Variants in ANK3 observed in about 807,000 individuals in gnomAD.
The protein encoded by ANK3 is ankyrin 3, also known as ankyrin-3.
ANK3 carries 57 observed loss-of-function variants against 370.9 expected under a neutral mutation model. The ratio of observed to expected loss-of-function variants is 0.15; its 90% CI spans 0.12 to 0.19. The LOEUF (loss-of-function observed/expected upper bound fraction) is 0.19. Among genes scored for constraint, ANK3 ranks in the 10% least tolerant of loss-of-function variants. The pLI is 1.00. For missense variants in ANK3, 4,439 were observed against 5,302.1 expected, an observed-to-expected ratio of 0.84 and a Z score of 5.06; for synonymous variants, 1,929 against 1,946.3, an observed-to-expected ratio of 0.99 and a Z score of 0.23.
At chr10:60,371,019 A>G (rs2060038256) in intron 1 of ANK3, among the ~76,000 whole-genome samples, 1 of 152,130 alleles carries the variant, frequency 6.6e-6, no homozygotes, top group African/African-American at 2.4e-5. Flanking sequence ...CACACATGAC[A>G]TCACTGACAG....
At chr10:60,369,093 G>A (rs567505508) in intron 1 of ANK3, among the ~76,000 whole-genome samples, 5 of 149,330 alleles carry the variant, frequency 3.3e-5, no homozygotes, top group African/African-American at 4.9e-5. Context: ...ATTATACTTC[G>A]GTTTAAAAAA....
At position 60,321,022 on chromosome 10, in the gene ANK3, C is replaced by T. The variant is rs539223496; in HGVS notation, c.115-41383G>A. Among the ~76,000 whole-genome samples the T allele has an allele frequency of 3.9e-5, 6 of 152,182 alleles. No homozygotes were observed. In the South Asian group the frequency reaches 1.2e-3, roughly 32 times the overall value. On this transcript the variant is annotated intron_variant, in intron 1 of 43. Transcript: ENST00000280772. ...AGTAAAATCAGGACAAAAAGGTATT[C>T]CTTCCAATTACAATGATGCTATTTT...
At chr10:60,602,117 C>G (rs1477571851) in intron 2 of ANK3, among the ~76,000 whole-genome samples, 2 of 151,998 alleles carry the variant, frequency 1.3e-5, no homozygotes, top group African/African-American at 2.4e-5. Context: ...AGGCATGACT[C>G]TAAGTGTTAT....
intron 1 of ANK3, among the ~76,000 whole-genome samples, chr10:60,385,524 T>TG (rs1566965962): frequency 6.6e-6 from 1 of 152,148 alleles, no homozygotes; most frequent in Non-Finnish European, 1.5e-5. Flanking sequence ...TTTGATGCAA[T>TG]GCCTGATCCA....
intron 1 of ANK3, among the ~76,000 whole-genome samples, chr10:60,366,988 C>T (rs188623180): frequency 3.9e-5 from 6 of 152,262 alleles, no homozygotes; most frequent in East Asian, 3.9e-4. Flanking sequence ...ACTGCGTGAA[C>T]ATTTTATTTT....
chr10:60,108,108 C>T, intron 27 of ANK3: 2 of 370,426 alleles, frequency 5.4e-6, no homozygotes, highest in Middle Eastern at 4.4e-4. Context: ...AAGAATCAGA[C>T]CATGGGTGTG....
chr10:60,131,792 G>A (rs1027885373), intron 25 of ANK3, among the ~76,000 whole-genome samples: 1 of 152,148 alleles, frequency 6.6e-6, no homozygotes, highest in Non-Finnish European at 1.5e-5. Flanking sequence ...TAGCAGTGGT[G>A]GAGGTGACAG....
rs556058367 is a variant in ANK3, at chr10:60,693,331, C to T, written c.57+39932G>A. Among the ~76,000 whole-genome samples, 79 of 152,330 alleles carry T rather than the reference C, an allele frequency of 5.2e-4. 1 individual carries two copies. In the East Asian group the frequency reaches 0.012, roughly 23 times the overall value. On this transcript the variant is annotated intron_variant, in intron 1 of 43. Coordinates refer to the ANK3 transcript ENST00000373827. ...AGCAGTGAGGCTGGGGGAGGGGCGC[C>T]CGCCATTGCCCAGGCTTGCTTAGGT... is the stretch of plus-strand genomic sequence containing the variant.
At chr10:60,421,743 A>C (rs1324991603) in intron 2 of ANK3, among the ~76,000 whole-genome samples, 1 of 152,042 alleles carries the variant, frequency 6.6e-6, no homozygotes, top group Non-Finnish European at 1.5e-5. Context: ...AGATCTTTTC[A>C]AGTGTGTAGT....
At chr10:60,708,909 A>G (rs972068377) in intron 1 of ANK3, among the ~76,000 whole-genome samples, 2 of 152,134 alleles carry the variant, frequency 1.3e-5, no homozygotes, top group African/African-American at 4.8e-5. Context: ...AAGCAACAGG[A>G]GAGACAAAAA....
chr10:60,588,941 T>C (rs537005926), intron 2 of ANK3, among the ~76,000 whole-genome samples: 35 of 151,908 alleles, frequency 2.3e-4, no homozygotes, highest in African/African-American at 7.5e-4. Flanking sequence ...TAAACAAAAA[T>C]ATATTACAAC....
chr10:60,147,185 G>C (rs1354037466), intron 23 of ANK3, among the ~76,000 whole-genome samples: 1 of 152,174 alleles, frequency 6.6e-6, no homozygotes, highest in East Asian at 1.9e-4. Flanking sequence ...TGTAGCCCAG[G>C]AACTTCTGTG....
chr10:60,117,052 T>C (rs1399747822), intron 25 of ANK3, among the ~76,000 whole-genome samples: 1 of 152,210 alleles, frequency 6.6e-6, no homozygotes, highest in Non-Finnish European at 1.5e-5. Context: ...GCAATTCCTT[T>C]AACATGCTGA....
Position 60,069,094 on chromosome 10 carries a change from T to C in ANK3, c.11787A>G (p.Ala3929=), listed in dbSNP as rs753068749. Residue 3929 remains alanine (A), a synonymous_variant, in exon 37 of 44, where the codon GCA becomes GCG. Coordinates refer to ENST00000280772, the MANE Select transcript of ANK3 (RefSeq NM_020987.5). ...GCTGCCCTTGCTTTTGTGTGGCACATGCTTTTCTAACTGCAATTATGTTAT... is the reference window on the plus strand; with the variant it reads ...GCTGCCCTTGCTTTTGTGTGGCACACGCTTTTCTAACTGCAATTATGTTAT... The part of the protein sequence containing the change: ...HRDNIIAVRK[A]CATQKQGQPE... 1 of 1,614,142 alleles carries C rather than the reference T, an allele frequency of 6.2e-7. No homozygotes were observed. Among genetic ancestry groups the C allele is most frequent in the Admixed American group, 1.7e-5 (1 of 60,022 alleles).
chr10:60,142,403 C>G (rs1315107340), intron 23 of ANK3, among the ~76,000 whole-genome samples: 1 of 152,138 alleles, frequency 6.6e-6, no homozygotes, highest in Non-Finnish European at 1.5e-5. Flanking sequence ...TTAGTCTTTC[C>G]CATTGGCTGG....
At chr10:60,577,606 T>G (rs191490348) in intron 2 of ANK3, among the ~76,000 whole-genome samples, 4 of 152,306 alleles carry the variant, frequency 2.6e-5, no homozygotes, top group Admixed American at 2.6e-4. Flanking sequence ...CCTTCCACCA[T>G]GATTGTGAGG....
At chr10:60,093,957 T>TA (rs1334400281) in intron 28 of ANK3, among the ~76,000 whole-genome samples, 2 of 152,124 alleles carry the variant, frequency 1.3e-5, no homozygotes, top group African/African-American at 4.8e-5. Context: ...TTGACACCAT[T>TA]AAAACTTGCA....
rs150399982 is a variant in ANK3, at chr10:60,072,188, A to G, written c.8693T>C (p.Met2898Thr). ...SKSVDQKNEF[M>T]SVTERERKLL... ...TTTGCGTTCTCTCTCAGTCACAGAC[A>G]TAAATTCATTCTTTTGATCAACACT... is the stretch of plus-strand genomic sequence containing the variant. The change falls in exon 37 of 44, where the codon ATG (methionine) becomes ACG (threonine). Residue 2898 changes from methionine (M) to threonine (T), a missense_variant. By Grantham distance (81) the Met-to-Thr change is moderately conservative. Transcript: ENST00000280772. The G allele has an allele frequency of 2.6e-5, 42 of 1,613,810 alleles. No homozygotes were observed. In the African/African-American group the frequency reaches 5.2e-4, roughly 20 times the overall value.
chr10:60,292,330 A>C (rs1392550607), intron 1 of ANK3, among the ~76,000 whole-genome samples: 6 of 152,014 alleles, frequency 3.9e-5, no homozygotes, highest in African/African-American at 1.5e-4. Flanking sequence ...TGAGACAAAG[A>C]AGCATGAGAG....
Sources: gnomAD v4.1 joint callset for allele counts (sites outside exome capture counted in the v4.1 genomes callset) on GRCh38, gnomAD v4.1.1 for gene constraint, MANE v1.5 for transcripts, NCBI Gene and HGNC (gene_info 2026-07-23, HGNC 2026-07-21) for gene names.